The following ATP8B4 variants were observed in gnomAD, a reference collection of about 807,000 sequenced individuals.
ATP8B4 encodes probable phospholipid-transporting ATPase IM.
ATP8B4 carries 133 observed loss-of-function variants against 145.6 expected under a neutral mutation model. That is an observed-to-expected ratio of 0.91 (90% confidence interval 0.79 to 1.05). ATP8B4 has a LOEUF of 1.05. Ranked by LOEUF, ATP8B4 falls within the 50% of genes least tolerant of loss-of-function variation. The pLI is 0.00. For synonymous variants in ATP8B4, 507 were observed against 492.9 expected (o/e 1.03, Z -0.38); for missense variants, 1,458 against 1,425.2 (o/e 1.02, Z -0.37).
At chr15:50,055,719 AG>A (rs1392190287) in intron 3 of ATP8B4, among the ~76,000 whole-genome samples, 1 of 152,222 alleles carries the variant, frequency 6.6e-6, no homozygotes, top group Non-Finnish European at 1.5e-5. Flanking sequence ...CTGACTAATA[AG>A]GGAGAGATTA....
chr15:49,869,259 A>G (rs2033317226), intron 25 of ATP8B4, among the ~76,000 whole-genome samples: 1 of 144,634 alleles, frequency 6.9e-6, no homozygotes, highest in Non-Finnish European at 1.6e-5. Flanking sequence ...AAGTATGAAA[A>G]AGTTAAAAAA....
chr15:49,908,763 A>ACCACCACTG (rs1022264026), intron 20 of ATP8B4, among the ~76,000 whole-genome samples: 2 of 152,014 alleles, frequency 1.3e-5, no homozygotes, highest in Non-Finnish European at 2.9e-5. Context: ...ACCTGCAGCC[A>ACCACCACTG]CCACCACTGC....
intron 6 of ATP8B4, among the ~76,000 whole-genome samples, chr15:50,024,122 G>A (rs1220327585): frequency 6.6e-6 from 1 of 152,134 alleles, no homozygotes; most frequent in Non-Finnish European, 1.5e-5. Context: ...TTTAGCTATG[G>A]TTCTGTGACC....
At chr15:50,034,712 T>C (rs944684154) in intron 6 of ATP8B4, among the ~76,000 whole-genome samples, 2 of 152,094 alleles carry the variant, frequency 1.3e-5, no homozygotes, top group African/African-American at 4.8e-5. Context: ...GTAAATGGGA[T>C]GTGGGTATTT....
intron 23 of ATP8B4, among the ~76,000 whole-genome samples, chr15:49,885,214 C>A (rs541646110): frequency 2.6e-5 from 4 of 152,304 alleles, no homozygotes; most frequent in African/African-American, 9.6e-5. Context: ...TTATCTGGCT[C>A]ATTCCTGCCT....
chr15:50,161,604 C>T (rs2044519539), intron 1 of ATP8B4, among the ~76,000 whole-genome samples: 1 of 151,516 alleles, frequency 6.6e-6, no homozygotes, highest in Non-Finnish European at 1.5e-5. Context: ...CTGCTAACAA[C>T]ACAGATTGCA....
At chr15:49,960,871 G>A (rs1383338667) in intron 14 of ATP8B4, among the ~76,000 whole-genome samples, 3 of 152,184 alleles carry the variant, frequency 2.0e-5, no homozygotes, top group African/African-American at 7.2e-5. Flanking sequence ...AGTGGCTCAC[G>A]CCTGTAATCC....
intron 1 of ATP8B4, among the ~76,000 whole-genome samples, chr15:50,151,709 C>A (rs2044349423): frequency 7.0e-6 from 1 of 143,672 alleles, no homozygotes. Context: ...GAGATTGTCT[C>A]CAGCCTAAGA....
chr15:49,923,514 G>C lies in ATP8B4; in HGVS notation c.1643-20C>G, dbSNP rs1454005306. 1.3e-6 allele frequency: 2 copies of C among 1,517,696 alleles called. No individual in the cohort carries two copies. Among genetic ancestry groups the C allele is most frequent in the East Asian group, 2.3e-5 (1 of 44,192 alleles). The allele number at this position is 1,517,696 out of a possible 1,614,324, so 94.0% of individuals were successfully genotyped here. ...TTCGAACTGAAAAGAAAAAAGTTTG[G>C]AAAAGCAGAATATAATCAACGTCAT... On this transcript the variant is annotated intron_variant, in intron 16 of 27. Transcript: ENST00000284509.
At chr15:50,101,329 T>G (rs2056339621) in intron 2 of ATP8B4, among the ~76,000 whole-genome samples, 1 of 152,090 alleles carries the variant, frequency 6.6e-6, no homozygotes, top group African/African-American at 2.4e-5. Flanking sequence ...CTACAACATT[T>G]GACAAAAACA....
chr15:50,044,639 G>A lies in ATP8B4; in HGVS notation c.255C>T (p.Val85=), dbSNP rs760435638. Residue 85 remains valine, a synonymous_variant, in exon 5 of 28, where the codon GTC becomes GTT. Transcript: ENST00000284509. The part of the protein sequence containing the change: ...LTWFTTIVPL[V]LVITMTAVKD... ...TGACAGCTGTCATAGTTATCACCAG[G>A]ACCAAAGGCACAATGGTGGTAAACC... 5 of 1,613,458 alleles carry A rather than the reference G, an allele frequency of 3.1e-6. No individual in the cohort carries two copies. The South Asian group carries it at 5.5e-5, about 18-fold the overall frequency.
chr15:49,975,409 G>A (rs961944731), intron 12 of ATP8B4, among the ~76,000 whole-genome samples: 4 of 152,094 alleles, frequency 2.6e-5, no homozygotes, highest in Admixed American at 2.6e-4. Flanking sequence ...TAACTTTTTT[G>A]TATACCTTAA....
At chr15:50,152,348 G>T (rs2044359065) in intron 1 of ATP8B4, among the ~76,000 whole-genome samples, 1 of 152,030 alleles carries the variant, frequency 6.6e-6, no homozygotes, top group Admixed American at 6.6e-5. Context: ...TATTTTTATG[G>T]CAGACAACAT....
intron 2 of ATP8B4, among the ~76,000 whole-genome samples, chr15:50,085,893 G>GATATATATCAT (rs2054905300): frequency 5.3e-5 from 4 of 74,922 alleles, no homozygotes; most frequent in African/African-American, 1.9e-4. Flanking sequence ...ATTTATATAT[G>GATATATATCAT]ATATATATCA....
intron 13 of ATP8B4, among the ~76,000 whole-genome samples, chr15:49,965,602 G>C (rs2044460275): frequency 6.6e-6 from 1 of 152,204 alleles, no homozygotes; most frequent in African/African-American, 2.4e-5. Context: ...ACGCAAACAA[G>C]AAGTGGGTAT....
intron 6 of ATP8B4, among the ~76,000 whole-genome samples, chr15:50,022,649 C>T (rs947237974): frequency 6.6e-6 from 1 of 152,154 alleles, no homozygotes; most frequent in Non-Finnish European, 1.5e-5. Context: ...GACACGCTCC[C>T]CTGGCCCAAC....
chr15:50,173,975 A>G lies in ATP8B4; in HGVS notation c.-43+8286T>C, dbSNP rs897742006. On this transcript the variant is annotated intron_variant, in intron 1 of 3. Coordinates refer to the ATP8B4 transcript ENST00000558829. ...CAAGTGGGTTTCATACCGGGGATGC[A>G]GGGATGGTTTCACGTACTCAAGCCA... Among the ~76,000 whole-genome samples, 93 of 152,360 alleles carry G rather than the reference A, an allele frequency of 6.1e-4. 1 individual carries two copies. Among genetic ancestry groups the G allele is most frequent in the African/African-American group, 2.0e-3 (85 of 41,584 alleles).
intron 14 of ATP8B4, among the ~76,000 whole-genome samples, chr15:49,954,394 A>G (rs2153497689): frequency 6.6e-6 from 1 of 152,330 alleles, no homozygotes; most frequent in Non-Finnish European, 1.5e-5. Flanking sequence ...GAGTAAACAG[A>G]CAACCCACAG....
In ATP8B4 at chr15:49,962,014, A is replaced by G; in HGVS notation, c.1250T>C (p.Val417Ala). The change falls in exon 14 of 28, where the codon GTA becomes GCA. Residue 417 changes from valine to alanine, a missense_variant. By Grantham distance (64) the Val-to-Ala change is moderately conservative. Transcript: ENST00000284509. Reference protein sequence around the residue: ...CSINGRIYGEVHDDLDQKTEI... With the variant: ...CSINGRIYGEAHDDLDQKTEI... The stretch of plus-strand genomic sequence containing the variant: ...TGTCTTCTGATCCAGGTCATCATGT[A>G]CTTCACCTGACAAAACAAAAATTGA... The G allele has an allele frequency of 6.3e-7, 1 of 1,591,916 alleles. No homozygotes were observed. The highest frequency in any genetic ancestry group is 1.2e-5 in the South Asian group (1 of 86,820).
Sources: gnomAD v4.1 joint callset for allele counts (sites outside exome capture counted in the v4.1 genomes callset) on GRCh38, gnomAD v4.1.1 for gene constraint, MANE v1.5 for transcripts, NCBI Gene and HGNC (gene_info 2026-07-23, HGNC 2026-07-21) for gene names.